The following MYCBP2 variants were observed in gnomAD, a reference collection of about 807,000 sequenced individuals.
MYCBP2 encodes the protein E3 ubiquitin-protein ligase MYCBP2.
In MYCBP2, 120 loss-of-function variants were observed where a neutral mutation model predicts 525.3. That is an observed-to-expected ratio of 0.23 (90% CI 0.20 to 0.27). MYCBP2 has a LOEUF of 0.27. Ranked by LOEUF, MYCBP2 falls within the 10% of genes least tolerant of loss-of-function variation. The pLI, the probability that MYCBP2 is intolerant of heterozygous loss-of-function variation, is 1.00. For missense variants in MYCBP2, 4,149 were observed against 5,657.1 expected (o/e 0.73, Z 8.55); for synonymous variants, 1,894 against 1,955.8 (o/e 0.97, Z 0.83).
intron 2 of MYCBP2, among the ~76,000 whole-genome samples, chr13:77,294,430 T>C (rs757500267): frequency 2.0e-5 from 3 of 151,960 alleles, no homozygotes; most frequent in Non-Finnish European, 4.4e-5. Flanking sequence ...ATCACTGTTA[T>C]CTCAAACTAC....
rs142565851 is a variant in MYCBP2 at position 77,239,293 on chromosome 13, A to G, written c.2629+3766T>C. ...ATTACTAGTAAGTATAATTATTAAC[A>G]TACTACTAAATTTTTAGTTTCTAAA... On this transcript the variant is annotated intron_variant, in intron 17 of 82. Transcript: ENST00000544440. Among the ~76,000 whole-genome samples the G allele has an allele frequency of 1.5e-3, 234 of 152,376 alleles. 6 individuals are homozygous for G. In the East Asian group the frequency reaches 0.039, roughly 26 times the overall value.
At chr13:77,126,110 TTTG>T (rs1363888800) in intron 53 of MYCBP2, among the ~76,000 whole-genome samples, 1 of 152,210 alleles carries the variant, frequency 6.6e-6, no homozygotes, top group Non-Finnish European at 1.5e-5. Flanking sequence ...ATACAAATCA[TTTG>T]TTAATATATT....
intron 2 of MYCBP2, among the ~76,000 whole-genome samples, chr13:77,292,167 G>A (rs891250639): frequency 6.6e-6 from 1 of 152,196 alleles, no homozygotes; most frequent in Admixed American, 6.5e-5. Context: ...CTGCCAGAGA[G>A]AAAGCATGTC....
intron 15 of MYCBP2, among the ~76,000 whole-genome samples, chr13:77,248,284 A>T (rs1249899465): frequency 3.9e-5 from 6 of 152,170 alleles, no homozygotes; most frequent in Admixed American, 3.9e-4. Flanking sequence ...AAAATTTTAA[A>T]AATTTTCTGC....
intron 69 of MYCBP2, among the ~76,000 whole-genome samples, chr13:77,069,746 T>C (rs2040841899): frequency 6.8e-6 from 1 of 147,726 alleles, no homozygotes; most frequent in African/African-American, 2.5e-5. Context: ...CAGGCATCTG[T>C]AGTCCCAGCT....
At chr13:77,144,674 A>C (rs1594887065) in intron 48 of MYCBP2, 114 bp from the exon 49 acceptor site, 476 of 725,466 alleles carry the variant, frequency 6.6e-4, no homozygotes, top group Admixed American at 2.6e-4. Flanking sequence ...CAATCCTACC[A>C]CCCTGCCATA....
At chr13:77,269,629 T>TAA (rs531828422) in intron 7 of MYCBP2, among the ~76,000 whole-genome samples, 1 of 147,796 alleles carries the variant, frequency 6.8e-6, no homozygotes, top group Non-Finnish European at 1.5e-5. Context: ...CTGTCTCAAT[T>TAA]AAAAAAAAAA....
At chr13:77,136,115 A>T (rs892305241) in intron 52 of MYCBP2, among the ~76,000 whole-genome samples, 12 of 152,152 alleles carry the variant, frequency 7.9e-5, no homozygotes, top group African/African-American at 2.9e-4. Context: ...CACCGTGCCC[A>T]GCCTGTTTTT....
intron 12 of MYCBP2, 79 bp from the exon 13 acceptor site, chr13:77,260,671 A>G: frequency 8.0e-7 from 1 of 1,252,176 alleles, no homozygotes; most frequent in Non-Finnish European, 1.1e-6. Context: ...AAAGCTAAAA[A>G]AAAAACCCAT....
chr13:77,073,130 A>G (rs2041673293), intron 68 of MYCBP2, among the ~76,000 whole-genome samples: 2 of 152,080 alleles, frequency 1.3e-5, no homozygotes, highest in South Asian at 4.1e-4. Flanking sequence ...AAGAAGCACT[A>G]TATCATGTAG....
intron 55 of MYCBP2, among the ~76,000 whole-genome samples, chr13:77,103,720 C>T (rs1464927957): frequency 1.3e-5 from 2 of 151,910 alleles, no homozygotes; most frequent in Non-Finnish European, 1.5e-5. Flanking sequence ...TTACTCATGG[C>T]TTAACCTATT....
chr13:77,300,809 C>T lies in MYCBP2; in HGVS notation c.303-4135G>A, dbSNP rs781415546. Among the ~76,000 whole-genome samples, 22 of 152,232 alleles carry T rather than the reference C, an allele frequency of 1.4e-4. No individual in the cohort carries two copies. In the East Asian group the frequency reaches 2.3e-3, roughly 16 times the overall value. On this transcript the variant is annotated intron_variant, in intron 1 of 82. Coordinates refer to ENST00000544440, the MANE Select transcript of MYCBP2 (RefSeq NM_015057.5). ...CTGCTTCAAAGACCAGACTAACCAA[C>T]GTAAGAAAGCTGTGGAAGCAATGAG...
intron 43 of MYCBP2, among the ~76,000 whole-genome samples, chr13:77,163,160 G>T (rs2058139988): frequency 6.6e-6 from 1 of 152,084 alleles, no homozygotes; most frequent in Non-Finnish European, 1.5e-5. Context: ...ACAATCACAA[G>T]CACTGCTATA....
chr13:77,270,451 T>C lies in MYCBP2; in HGVS notation c.1033A>G (p.Ile345Val). Residue 345 changes from isoleucine to valine, a missense_variant, in exon 6 of 83, where the codon ATT becomes GTT. Ile to Val is a conservative substitution (Grantham distance 29). Transcript: ENST00000544440. ...IQIQDWFSNG[I>V]KKAALMHKWP... Reference sequence around the variant, plus strand: ...TTGTGCATTAAAGCTGCTTTCTTAATGCCATTACTAAACCAGTCCTGAATT... The same window carrying C: ...TTGTGCATTAAAGCTGCTTTCTTAACGCCATTACTAAACCAGTCCTGAATT... 6.2e-7 allele frequency: 1 copy of C among 1,613,818 alleles called. No individual in the cohort carries two copies. The highest frequency in any genetic ancestry group is 8.5e-7 in the Non-Finnish European group (1 of 1,179,824).
intron 23 of MYCBP2, 94 bp from the exon 24 acceptor site, chr13:77,206,919 A>G (rs2063413238): frequency 2.7e-6 from 3 of 1,121,020 alleles, no homozygotes; most frequent in Non-Finnish European, 3.6e-6. Flanking sequence ...GAGAATAAAT[A>G]ATATAGTCAG....
intron 1 of MYCBP2, among the ~76,000 whole-genome samples, chr13:77,324,659 C>T (rs1310454608): frequency 2.0e-5 from 3 of 152,086 alleles, no homozygotes; most frequent in Admixed American, 1.3e-4. Flanking sequence ...TTTTCATTGA[C>T]GGCTTGTACA....
Position 77,155,222 on chromosome 13 carries a change from T to G in MYCBP2, c.6915+836A>C, listed in dbSNP as rs2057064755. On this transcript the variant is annotated intron_variant, in intron 46 of 82. Coordinates refer to ENST00000544440, the MANE Select transcript of MYCBP2 (RefSeq NM_015057.5). ...TTTTTACTTAGGTAAGATGCTACAT[T>G]GGCATTGTACTTCTTCACGCTATAA... 1.3e-5 allele frequency among the ~76,000 whole-genome samples: 2 copies of G among 152,104 alleles called. 1 individual carries two copies. Among genetic ancestry groups the G allele is most frequent in the South Asian group, 4.1e-4 (2 of 4,828 alleles).
At chr13:77,316,906 G>A (rs956210851) in intron 1 of MYCBP2, among the ~76,000 whole-genome samples, 2 of 151,848 alleles carry the variant, frequency 1.3e-5, no homozygotes, top group Admixed American at 6.6e-5. Context: ...TCCTCCACAT[G>A]AACAAGGACA....
chr13:77,151,854 T>C (rs962406052), intron 46 of MYCBP2, among the ~76,000 whole-genome samples: 5 of 152,214 alleles, frequency 3.3e-5, no homozygotes, highest in Non-Finnish European at 7.3e-5. Flanking sequence ...TGTTTATGCA[T>C]TGGCAGAAAA....
Sources: gnomAD v4.1 joint callset for allele counts (sites outside exome capture counted in the v4.1 genomes callset) on GRCh38, gnomAD v4.1.1 for gene constraint, MANE v1.5 for transcripts, NCBI Gene and HGNC (gene_info 2026-07-23, HGNC 2026-07-21) for gene names.